MORC1: variants seen among roughly 807,000 people sequenced by gnomAD.
MORC1 encodes the protein MORC family CW-type zinc finger 1.
Under a neutral mutation model 134.9 loss-of-function variants are expected in MORC1, and 59 were observed. That is an observed-to-expected ratio of 0.44 (90% CI 0.35 to 0.54). The LOEUF (loss-of-function observed/expected upper bound fraction) is 0.54. Ranked by LOEUF, MORC1 falls within the 20% of genes least tolerant of loss-of-function variation. The probability of loss-of-function intolerance (pLI) is 0.00; values close to 1 mark genes in which losing one functional copy is unlikely to be tolerated. For missense variants in MORC1, 947 were observed against 1,134.5 expected (o/e 0.83, Z 2.37); for synonymous variants, 395 against 391.7 (o/e 1.01, Z -0.10).
chr3:109,058,180 T>C (rs1950003183), intron 12 of MORC1, among the ~76,000 whole-genome samples: 1 of 152,142 alleles, frequency 6.6e-6, no homozygotes, highest in South Asian at 2.1e-4. Flanking sequence ...TGAAAATGCC[T>C]GGATGTGAGA....
chr3:108,961,174 A>T (rs1354790109), intron 27 of MORC1, among the ~76,000 whole-genome samples: 1 of 152,146 alleles, frequency 6.6e-6, no homozygotes, highest in Non-Finnish European at 1.5e-5. Context: ...CCTAGCACTA[A>T]GTGTCTAGCA....
intron 17 of MORC1, among the ~76,000 whole-genome samples, chr3:109,010,041 T>C (rs12054061): frequency 0.34 from 51,438 of 152,146 alleles, 10,533 homozygotes; most frequent in East Asian, 0.81. Flanking sequence ...TTATCTTCTA[T>C]ACCAGGGGAC....
At chr3:109,069,291 A>G (rs1219874040) in intron 9 of MORC1, among the ~76,000 whole-genome samples, 2 of 152,238 alleles carry the variant, frequency 1.3e-5, no homozygotes, top group Non-Finnish European at 2.9e-5. Context: ...ATGGTTTAAT[A>G]GTTCAAATGT....
intron 21 of MORC1, among the ~76,000 whole-genome samples, chr3:108,996,628 A>G (rs936018783): frequency 6.6e-6 from 1 of 152,204 alleles, no homozygotes; most frequent in African/African-American, 2.4e-5. Flanking sequence ...AATGATGTGC[A>G]AGGTCTTGCC....
At chr3:109,108,111 C>G (rs1182144682) in intron 3 of MORC1, among the ~76,000 whole-genome samples, 1 of 152,114 alleles carries the variant, frequency 6.6e-6, no homozygotes, top group African/African-American at 2.4e-5. Flanking sequence ...ATTGCTTGAA[C>G]CTGGGAAGCG....
intron 23 of MORC1, among the ~76,000 whole-genome samples, chr3:108,983,953 A>C (rs971335268): frequency 6.6e-6 from 1 of 152,160 alleles, no homozygotes; most frequent in Non-Finnish European, 1.5e-5. Flanking sequence ...ATGAGAGAAG[A>C]GGATCTGTGC....
chr3:109,066,967 A>G (rs1202853807), intron 9 of MORC1, among the ~76,000 whole-genome samples: 1 of 108,746 alleles, frequency 9.2e-6, no homozygotes, highest in African/African-American at 4.0e-5. Flanking sequence ...TCAAAAATGG[A>G]TGCATGGTGT....
intron 8 of MORC1, among the ~76,000 whole-genome samples, chr3:109,084,985 C>T (rs1950589482): frequency 6.6e-6 from 1 of 152,088 alleles, no homozygotes; most frequent in South Asian, 2.1e-4. Flanking sequence ...TCATCATATA[C>T]AAACATCAAA....
rs529562719 is a variant in MORC1 at position 109,004,909 on chromosome 3, GA to G, written c.2014-22del. 102 of 1,591,044 alleles carry G rather than the reference GA, an allele frequency of 6.4e-5. 1 individual carries two copies. In the African/African-American group the frequency reaches 7.6e-4, roughly 12 times the overall value. On this transcript the variant is annotated intron_variant, in intron 19 of 27. Coordinates refer to ENST00000232603, the MANE Select transcript of MORC1 (RefSeq NM_014429.4). ...CTTCTCTTTCAAAACAGAGAATACA[GA>G]AAAAAAAATTAGAAATTGGGACCTT...
At chr3:109,017,583 C>T (rs966260604) in intron 17 of MORC1, among the ~76,000 whole-genome samples, 7 of 152,110 alleles carry the variant, frequency 4.6e-5, no homozygotes, top group Non-Finnish European at 1.0e-4. Flanking sequence ...TTGGGGCTGG[C>T]CTATAGTTTT....
chr3:109,052,909 A>G (rs1162442169), intron 14 of MORC1, among the ~76,000 whole-genome samples: 1 of 152,208 alleles, frequency 6.6e-6, no homozygotes, highest in Non-Finnish European at 1.5e-5. Context: ...TAAGGAACTT[A>G]AAGAAATCAA....
At chr3:109,003,944 A>G (rs1407209638) in intron 20 of MORC1, among the ~76,000 whole-genome samples, 1 of 152,222 alleles carries the variant, frequency 6.6e-6, no homozygotes, top group Non-Finnish European at 1.5e-5. Flanking sequence ...AATATATTAT[A>G]AAGGAATGTG....
rs1169574721 is a variant in MORC1 at position 109,069,703 on chromosome 3, T to C, written c.744A>G (p.Pro248=). The C allele has an allele frequency of 1.9e-6, 3 of 1,613,008 alleles. No individual in the cohort carries two copies. Among genetic ancestry groups the C allele is most frequent in the African/African-American group, 1.3e-5 (1 of 74,890 alleles). Reference sequence around the variant, plus strand: ...TGGCTTGAATGAATATTCTCATCCATGGGTTAAAATACAGAACAGATGTGT... The same window carrying C: ...TGGCTTGAATGAATATTCTCATCCACGGGTTAAAATACAGAACAGATGTGT... ...RAYTSVLYFN[P]WMRIFIQAKR... Residue 248 remains proline (P), a synonymous_variant, in exon 9 of 28, where the codon CCA becomes CCG. Coordinates refer to ENST00000232603, the MANE Select transcript of MORC1 (RefSeq NM_014429.4).
intron 27 of MORC1, among the ~76,000 whole-genome samples, chr3:108,960,496 G>C (rs1383198663): frequency 6.6e-6 from 1 of 152,184 alleles, no homozygotes; most frequent in African/African-American, 2.4e-5. Context: ...TCCAGTCAAA[G>C]CAACAGTGGT....
intron 9 of MORC1, among the ~76,000 whole-genome samples, chr3:109,063,708 G>A (rs1950133581): frequency 6.6e-6 from 1 of 152,124 alleles, no homozygotes; most frequent in Non-Finnish European, 1.5e-5. Context: ...CTGCTTTACT[G>A]ATAGAGAAAC....
chr3:109,011,895 G>C (rs1296966582), intron 17 of MORC1, among the ~76,000 whole-genome samples: 1 of 152,162 alleles, frequency 6.6e-6, no homozygotes, highest in African/African-American at 2.4e-5. Flanking sequence ...TTTTCTCCCA[G>C]TCTGTAGCTT....
chr3:109,005,042 T>G (rs1948503545), intron 19 of MORC1, 28 bp downstream of exon 19: 2 of 1,592,988 alleles, frequency 1.3e-6, no homozygotes, highest in Non-Finnish European at 1.7e-6. Context: ...GAGTGAATTG[T>G]TTTGTGAATA....
intron 24 of MORC1, among the ~76,000 whole-genome samples, chr3:108,976,560 T>G (rs1017446676): frequency 1.3e-5 from 2 of 152,166 alleles, no homozygotes; most frequent in Admixed American, 6.5e-5. Context: ...CTGGTGAAAT[T>G]TGAGAAAACA....
intron 1 of MORC1, among the ~76,000 whole-genome samples, chr3:109,116,774 T>C (rs928560609): frequency 7.2e-5 from 11 of 152,166 alleles, no homozygotes; most frequent in African/African-American, 2.4e-4. Flanking sequence ...AGCAAGACCC[T>C]GTCTCCAAAT....
Sources: allele counts gnomAD v4.1 joint callset (sites outside exome capture counted in the v4.1 genomes callset), GRCh38; gene constraint gnomAD v4.1.1; transcripts MANE v1.5; gene names NCBI Gene and HGNC (gene_info 2026-07-23, HGNC 2026-07-21).